OR10G2: variants seen among roughly 807,000 people sequenced by gnomAD.
The protein encoded by OR10G2 is olfactory receptor family 10 subfamily G member 2.
For missense variants in OR10G2, 396 were observed against 387.6 expected (o/e 1.02, Z -0.18); for synonymous variants, 147 against 164.2 (o/e 0.90, Z 0.80).
In OR10G2 at chr14:21,634,679, G is replaced by A; in HGVS notation, c.164C>T (p.Ala55Val). 1 of 1,614,158 alleles carries A rather than the reference G, an allele frequency of 6.2e-7. No individual in the cohort carries two copies. The highest frequency in any genetic ancestry group is 8.5e-7 in the Non-Finnish European group (1 of 1,180,036). The change falls in exon 1 of 1, where the codon GCT becomes GTT. Residue 55 changes from alanine (A) to valine (V), a missense_variant. Physicochemically the swap from Ala to Val is moderately conservative, Grantham distance 64. Coordinates refer to ENST00000542433, the MANE Select transcript of OR10G2 (RefSeq NM_001005466.2). ...GNLLILLTMW[A>V]DPKLCARPMY... ...GGGGCGAGCACAGAGCTTCGGGTCA[G>A]CCCACATGGTGAGCAGAATGAGCAG...
chr14:21,634,403 G>A lies in OR10G2; in HGVS notation c.440C>T (p.Thr147Ile). Residue 147 changes from threonine to isoleucine, a missense_variant, in exon 1 of 1, where the codon ACA becomes ATA. By Grantham distance (89) the Thr-to-Ile change is moderately conservative (BLOSUM62 -1). Coordinates refer to ENST00000542433, the MANE Select transcript of OR10G2 (RefSeq NM_001005466.2). ...GACCCAAGCTCCAGCCACAAGGACT[G>A]TGCATAACCTCCCATTCATGAGCAC... ...YPVLMNGRLC[T>I]VLVAGAWVAG... 1 of 1,614,232 alleles carries A rather than the reference G, an allele frequency of 6.2e-7. No homozygotes were observed. Among genetic ancestry groups the A allele is most frequent in the Non-Finnish European group, 8.5e-7 (1 of 1,180,030 alleles).
In OR10G2 at chr14:21,634,284, G is replaced by A. The variant is rs1291786926; in HGVS notation, c.559C>T (p.Pro187Ser). The change falls in exon 1 of 1, where the codon CCC becomes TCC. Residue 187 changes from proline to serine, a missense_variant. Physicochemically the swap from Pro to Ser is moderately conservative, Grantham distance 74. Coordinates refer to ENST00000542433, the MANE Select transcript of OR10G2 (RefSeq NM_001005466.2). ...GCACAGGCCAGTCTCAATACTGCGG[G>A]GATGTCACAGATAAAGTAATCCACC... is the stretch of plus-strand genomic sequence containing the variant. Reference protein sequence around the residue: ...NQVDYFICDIPAVLRLACADT... With the variant: ...NQVDYFICDISAVLRLACADT... 1.5e-5 allele frequency: 24 copies of A among 1,614,056 alleles called. No individual in the cohort carries two copies. Among genetic ancestry groups the A allele is most frequent in the East Asian group, 4.5e-5 (2 of 44,894 alleles).
Sources: allele counts gnomAD v4.1 joint callset, GRCh38; gene constraint gnomAD v4.1.1; transcripts MANE v1.5; gene names NCBI Gene and HGNC (gene_info 2026-07-23, HGNC 2026-07-21).